RNU4ATAC: variants seen among roughly 807,000 people sequenced by gnomAD.
RNU4ATAC encodes RNA, U4atac small nuclear (U12-dependent splicing).
chr2:121,530,936 A>C lies in RNU4ATAC; in HGVS notation n.56A>C, dbSNP rs72969388. 2 of 700,314 alleles carry C rather than the reference A, an allele frequency of 2.9e-6. No individual in the cohort carries two copies. Among genetic ancestry groups the C allele is most frequent in the African/African-American group, 1.7e-5 (1 of 57,186 alleles). 43.4% of individuals were successfully genotyped at this position (700,314 alleles called of 1,614,324 possible). On this transcript the variant is annotated non_coding_transcript_exon_variant, in exon 1 of 1. Transcript: ENST00000580972. Reference sequence around the variant, plus strand: ...CCAATGAGCGCATAGTGAGGGCAGTACTGCTAACGCCTGAACAACACACCC... The same window carrying C: ...CCAATGAGCGCATAGTGAGGGCAGTCCTGCTAACGCCTGAACAACACACCC...
rs1487164913 is a variant in RNU4ATAC, at chr2:121,531,001, TG to T, written n.123del. ...TTTTGCTTTATTTTGGTGCAATTTT[TG>T]GAAAAATGAAAACCTGTTTTCATAG... On this transcript the variant is annotated non_coding_transcript_exon_variant, in exon 1 of 1. Transcript: ENST00000580972. 2.9e-6 allele frequency: 2 copies of T among 700,274 alleles called. No individual in the cohort carries two copies. Among genetic ancestry groups the T allele is most frequent in the East Asian group, 2.7e-5 (1 of 37,290 alleles). 43.4% of individuals were successfully genotyped at this position (700,274 alleles called of 1,614,324 possible).
At chr2:121,531,007 AATGAAAACCT>A (rs1259204636), downstream of RNU4ATAC, 31 of 700,272 alleles carry the variant, frequency 4.4e-5, no homozygotes, top group East Asian at 7.8e-4. Flanking sequence ...TTTTTGGAAA[AATGAAAACCT>A]GTTTTCATAG....
exon 1 of RNU4ATAC, chr2:121,530,917 A>C: frequency 1.4e-6 from 1 of 699,502 alleles, no homozygotes; most frequent in Non-Finnish European, 2.6e-6. Flanking sequence ...CTGTCCAATG[A>C]GCGCATAGTG....
rs905829640 is a variant in RNU4ATAC at position 121,530,971 on chromosome 2, A to G, written n.91A>G. The G allele has an allele frequency of 2.1e-5, 15 of 700,272 alleles. No individual in the cohort carries two copies. Among genetic ancestry groups the G allele is most frequent in the Admixed American group, 4.0e-5 (2 of 49,996 alleles). The allele number at this position is 700,272 out of a possible 1,614,324, so 43.4% of individuals were successfully genotyped here. A position where few individuals can be genotyped will look rare whatever the true frequency, so the allele number is the denominator to read the frequency against. Reference sequence around the variant, plus strand: ...CCTGAACAACACACCCGCATCAACTAGAGCTTTTGCTTTATTTTGGTGCAA... The same window carrying G: ...CCTGAACAACACACCCGCATCAACTGGAGCTTTTGCTTTATTTTGGTGCAA... On this transcript the variant is annotated non_coding_transcript_exon_variant, in exon 1 of 1. Transcript: ENST00000580972.
In RNU4ATAC at chr2:121,530,996, A is replaced by G. The variant is rs558135361; in HGVS notation, n.116A>G. ...AGAGCTTTTGCTTTATTTTGGTGCA[A>G]TTTTTGGAAAAATGAAAACCTGTTT... On this transcript the variant is annotated non_coding_transcript_exon_variant, in exon 1 of 1. Coordinates refer to ENST00000580972, the Ensembl canonical transcript of RNU4ATAC. 4.7e-5 allele frequency: 33 copies of G among 700,158 alleles called. No homozygotes were observed. The highest frequency in any genetic ancestry group is 5.7e-5 in the Non-Finnish European group (22 of 384,772). 43.4% of individuals were successfully genotyped at this position (700,158 alleles called of 1,614,324 possible).
At chr2:121,531,003 G>GA (rs542752836) in exon 1 of RNU4ATAC, 416 of 700,188 alleles carry the variant, frequency 5.9e-4, 3 homozygotes, top group African/African-American at 5.6e-3. Context: ...GCAATTTTTG[G>GA]AAAAATGAAA....
rs1487164913 is a variant in RNU4ATAC, at chr2:121,531,001, T to TG, written n.123dup. 2.9e-6 allele frequency: 2 copies of TG among 700,156 alleles called. No individual in the cohort carries two copies. Among genetic ancestry groups the TG allele is most frequent in the African/African-American group, 1.7e-5 (1 of 57,150 alleles). 43.4% of individuals were successfully genotyped at this position (700,156 alleles called of 1,614,324 possible). A position where few individuals can be genotyped will look rare whatever the true frequency, so the allele number is the denominator to read the frequency against. ...TTTTGCTTTATTTTGGTGCAATTTT[T>TG]GGAAAAATGAAAACCTGTTTTCATA... On this transcript the variant is annotated non_coding_transcript_exon_variant, in exon 1 of 1. Transcript: ENST00000580972.
rs909175867 is a variant in RNU4ATAC at position 121,530,890 on chromosome 2, T to G, written n.10T>G. 4.3e-6 allele frequency: 3 copies of G among 693,582 alleles called. No homozygotes were observed. The highest frequency in any genetic ancestry group is 1.8e-5 in the African/African-American group (1 of 57,040). 43.0% of individuals were successfully genotyped at this position (693,582 alleles called of 1,614,324 possible). A position where few individuals can be genotyped will look rare whatever the true frequency, so the allele number is the denominator to read the frequency against. ...GGGACTTTCTATTATAACCATCCTT[T>G]TCTTGGGGTTGCGCTACTGTCCAAT... is the stretch of plus-strand genomic sequence containing the variant. On this transcript the variant is annotated non_coding_transcript_exon_variant, in exon 1 of 1. Transcript: ENST00000580972.
rs765906028 is a variant in RNU4ATAC, at chr2:121,530,896, G to A, written n.16G>A. On this transcript the variant is annotated non_coding_transcript_exon_variant, in exon 1 of 1. Transcript: ENST00000580972. ...TTCTATTATAACCATCCTTTTCTTG[G>A]GGTTGCGCTACTGTCCAATGAGCGC... 5.3e-5 allele frequency: 37 copies of A among 694,626 alleles called. No homozygotes were observed. The highest frequency in any genetic ancestry group is 8.9e-5 in the South Asian group (6 of 67,326). 43.0% of individuals were successfully genotyped at this position (694,626 alleles called of 1,614,324 possible). A position where few individuals can be genotyped will look rare whatever the true frequency, so the allele number is the denominator to read the frequency against.
At position 121,530,931 on chromosome 2, in the gene RNU4ATAC, G is replaced by T. The variant is rs557186710; in HGVS notation, n.51G>T. On this transcript the variant is annotated non_coding_transcript_exon_variant, in exon 1 of 1. Transcript: ENST00000580972. Reference sequence around the variant, plus strand: ...ACTGTCCAATGAGCGCATAGTGAGGGCAGTACTGCTAACGCCTGAACAACA... The same window carrying T: ...ACTGTCCAATGAGCGCATAGTGAGGTCAGTACTGCTAACGCCTGAACAACA... 147 of 700,376 alleles carry T rather than the reference G, an allele frequency of 2.1e-4. No individual in the cohort carries two copies. The highest frequency in any genetic ancestry group is 3.4e-4 in the Non-Finnish European group (130 of 384,792). The allele number at this position is 700,376 out of a possible 1,614,324, so 43.4% of individuals were successfully genotyped here.
rs752094504 is a variant in RNU4ATAC at position 121,530,975 on chromosome 2, C to CT, written n.99dup. 305 of 700,418 alleles carry CT rather than the reference C, an allele frequency of 4.4e-4. 1 individual carries two copies. Among genetic ancestry groups the CT allele is most frequent in the South Asian group, 1.2e-3 (78 of 67,502 alleles). 43.4% of individuals were successfully genotyped at this position (700,418 alleles called of 1,614,324 possible). On this transcript the variant is annotated non_coding_transcript_exon_variant, in exon 1 of 1. Coordinates refer to ENST00000580972, the Ensembl canonical transcript of RNU4ATAC. ...AACAACACACCCGCATCAACTAGAG[C>CT]TTTTGCTTTATTTTGGTGCAATTTT...
rs966589874 is a variant in RNU4ATAC, at chr2:121,530,900, T to C, written n.20T>C. The C allele has an allele frequency of 1.3e-5, 9 of 695,550 alleles. No individual in the cohort carries two copies. The highest frequency in any genetic ancestry group is 6.0e-5 in the Admixed American group (3 of 49,844). 43.1% of individuals were successfully genotyped at this position (695,550 alleles called of 1,614,324 possible). On this transcript the variant is annotated non_coding_transcript_exon_variant, in exon 1 of 1. Coordinates refer to ENST00000580972, the Ensembl canonical transcript of RNU4ATAC. ...ATTATAACCATCCTTTTCTTGGGGTTGCGCTACTGTCCAATGAGCGCATAG... is the reference window on the plus strand; with the variant it reads ...ATTATAACCATCCTTTTCTTGGGGTCGCGCTACTGTCCAATGAGCGCATAG...
chr2:121,530,954 A>T lies in RNU4ATAC; in HGVS notation n.74A>T, dbSNP rs950868962. 2.9e-6 allele frequency: 2 copies of T among 700,312 alleles called. No homozygotes were observed. The highest frequency in any genetic ancestry group is 3.5e-5 in the African/African-American group (2 of 57,190). 43.4% of individuals were successfully genotyped at this position (700,312 alleles called of 1,614,324 possible). On this transcript the variant is annotated non_coding_transcript_exon_variant, in exon 1 of 1. Coordinates refer to ENST00000580972, the Ensembl canonical transcript of RNU4ATAC. ...GGGCAGTACTGCTAACGCCTGAACA[A>T]CACACCCGCATCAACTAGAGCTTTT... is the stretch of plus-strand genomic sequence containing the variant.
rs752923122 is a variant in RNU4ATAC at position 121,530,928 on chromosome 2, A to G, written n.48A>G. The G allele has an allele frequency of 1.4e-6, 1 of 699,860 alleles. No homozygotes were observed. The highest frequency in any genetic ancestry group is 1.5e-5 in the South Asian group (1 of 67,474). 43.4% of individuals were successfully genotyped at this position (699,860 alleles called of 1,614,324 possible). On this transcript the variant is annotated non_coding_transcript_exon_variant, in exon 1 of 1. Transcript: ENST00000580972. ...GCTACTGTCCAATGAGCGCATAGTG[A>G]GGGCAGTACTGCTAACGCCTGAACA...
chr2:121,530,887 C>T lies in RNU4ATAC; in HGVS notation n.7C>T, dbSNP rs370715569. ...CCAGGGACTTTCTATTATAACCATC[C>T]TTTTCTTGGGGTTGCGCTACTGTCC... On this transcript the variant is annotated non_coding_transcript_exon_variant, in exon 1 of 1. Transcript: ENST00000580972. The T allele has an allele frequency of 4.3e-4, 295 of 692,974 alleles. No homozygotes were observed. Among genetic ancestry groups the T allele is most frequent in the Non-Finnish European group, 5.4e-4 (204 of 378,940 alleles). The allele number at this position is 692,974 out of a possible 1,614,324, so 42.9% of individuals were successfully genotyped here. A position where few individuals can be genotyped will look rare whatever the true frequency, so the allele number is the denominator to read the frequency against.
chr2:121,530,921 C>CA (rs1559533823), exon 1 of RNU4ATAC: 1 of 699,762 alleles, frequency 1.4e-6, no homozygotes, highest in African/African-American at 1.7e-5. Context: ...CCAATGAGCG[C>CA]ATAGTGAGGG....
Position 121,530,891 on chromosome 2 carries a change from T to C in RNU4ATAC, n.11T>C, listed in dbSNP as rs763786601. 201 of 693,630 alleles carry C rather than the reference T, an allele frequency of 2.9e-4. No individual in the cohort carries two copies. The highest frequency in any genetic ancestry group is 2.5e-4 in the South Asian group (17 of 67,280). The allele number at this position is 693,630 out of a possible 1,614,324, so 43.0% of individuals were successfully genotyped here. A position where few individuals can be genotyped will look rare whatever the true frequency, so the allele number is the denominator to read the frequency against. On this transcript the variant is annotated non_coding_transcript_exon_variant, in exon 1 of 1. Coordinates refer to ENST00000580972, the Ensembl canonical transcript of RNU4ATAC. ...GGACTTTCTATTATAACCATCCTTT[T>C]CTTGGGGTTGCGCTACTGTCCAATG...
rs1559533161 is a variant in RNU4ATAC, at chr2:121,530,889, T to C, written n.9T>C. ...AGGGACTTTCTATTATAACCATCCT[T>C]TTCTTGGGGTTGCGCTACTGTCCAA... On this transcript the variant is annotated non_coding_transcript_exon_variant, in exon 1 of 1. Coordinates refer to ENST00000580972, the Ensembl canonical transcript of RNU4ATAC. 7 of 693,524 alleles carry C rather than the reference T, an allele frequency of 1.0e-5. No individual in the cohort carries two copies. Among genetic ancestry groups the C allele is most frequent in the Admixed American group, 6.0e-5 (3 of 49,704 alleles). 43.0% of individuals were successfully genotyped at this position (693,524 alleles called of 1,614,324 possible).
At position 121,530,884 on chromosome 2, in the gene RNU4ATAC, A is replaced by T. The variant is rs533487249; in HGVS notation, n.4A>T. 3 of 692,558 alleles carry T rather than the reference A, an allele frequency of 4.3e-6. No individual in the cohort carries two copies. Among genetic ancestry groups the T allele is most frequent in the African/African-American group, 3.5e-5 (2 of 56,952 alleles). 42.9% of individuals were successfully genotyped at this position (692,558 alleles called of 1,614,324 possible). The stretch of plus-strand genomic sequence containing the variant: ...AGCCCAGGGACTTTCTATTATAACC[A>T]TCCTTTTCTTGGGGTTGCGCTACTG... On this transcript the variant is annotated non_coding_transcript_exon_variant, in exon 1 of 1. Coordinates refer to ENST00000580972, the Ensembl canonical transcript of RNU4ATAC.
Sources: gnomAD v4.1 joint callset for allele counts on GRCh38, gnomAD v4.1.1 for gene constraint, MANE v1.5 for transcripts, NCBI Gene and HGNC (gene_info 2026-07-23, HGNC 2026-07-21) for gene names.